The following PHLDB2 variants were observed in gnomAD, a reference collection of about 807,000 sequenced individuals.
PHLDB2 encodes pleckstrin homology like domain family B member 2.
In PHLDB2, 71 loss-of-function variants were observed where a neutral mutation model predicts 123.6. The observed-to-expected ratio is 0.57, with a 90% CI of 0.47 to 0.70. The LOEUF is 0.70. Ranked by LOEUF, PHLDB2 falls within the 30% of genes least tolerant of loss-of-function variation. The pLI is 0.00. For synonymous variants in PHLDB2, 547 were observed against 541.6 expected (o/e 1.01, Z -0.14); for missense variants, 1,446 against 1,519.5 (o/e 0.95, Z 0.80).
At chr3:111,774,085 CT>C (rs910029305) in intron 1 of PHLDB2, among the ~76,000 whole-genome samples, 1 of 152,214 alleles carries the variant, frequency 6.6e-6, no homozygotes, top group Non-Finnish European at 1.5e-5. Flanking sequence ...GAGATACAGC[CT>C]TTAGAATATT....
intron 8 of PHLDB2, among the ~76,000 whole-genome samples, chr3:111,944,229 A>AT (rs1577151594): frequency 6.6e-6 from 1 of 152,200 alleles, no homozygotes; most frequent in African/African-American, 2.4e-5. Flanking sequence ...ATGCTTGCTC[A>AT]TAAGGGTGGA....
intron 1 of PHLDB2, among the ~76,000 whole-genome samples, chr3:111,763,273 A>C (rs2060025694): frequency 1.3e-5 from 2 of 152,190 alleles, no homozygotes; most frequent in Admixed American, 1.3e-4. Flanking sequence ...TGAGTGAGTT[A>C]TTTCTATGAC....
chr3:111,741,906 T>A (rs1413506182), intron 1 of PHLDB2, among the ~76,000 whole-genome samples: 4 of 152,216 alleles, frequency 2.6e-5, no homozygotes, highest in African/African-American at 9.6e-5. Flanking sequence ...AGGTAATTCT[T>A]AGCATGCTGA....
In PHLDB2 at chr3:111,859,422, G is replaced by T. The variant is rs1029388245; in HGVS notation, c.-169G>T. The T allele has an allele frequency of 4.2e-4, 417 of 985,528 alleles. No individual in the cohort carries two copies. Among genetic ancestry groups the T allele is most frequent in the Non-Finnish European group, 4.8e-4 (398 of 830,096 alleles). 61.0% of individuals were successfully genotyped at this position (985,528 alleles called of 1,614,324 possible). Reference sequence around the variant, plus strand: ...TCGAACTCCCTGGGTGCCCGCCGCGGTGGTTACAAAGGGGGTCAAGAGTGC... The same window carrying T: ...TCGAACTCCCTGGGTGCCCGCCGCGTTGGTTACAAAGGGGGTCAAGAGTGC... On this transcript the variant is annotated 5_prime_UTR_variant, in exon 1 of 18. Coordinates refer to ENST00000431670, the MANE Select transcript of PHLDB2 (RefSeq NM_001134438.2).
intron 1 of PHLDB2, among the ~76,000 whole-genome samples, chr3:111,880,680 AT>A (rs59470691): frequency 0.85 from 125,802 of 148,306 alleles, 53,602 homozygotes; most frequent in African/African-American, 0.94. Context: ...CCTTTGTGGC[AT>A]TTTTTTTTTT....
chr3:111,856,637 T>A (rs1366291107), upstream of PHLDB2, among the ~76,000 whole-genome samples: 2 of 152,238 alleles, frequency 1.3e-5, no homozygotes, highest in East Asian at 3.8e-4. Context: ...GGAGAAAGGT[T>A]GTCTCTAAGA....
intron 1 of PHLDB2, among the ~76,000 whole-genome samples, chr3:111,811,913 C>T (rs975390113): frequency 1.3e-5 from 2 of 152,138 alleles, no homozygotes; most frequent in African/African-American, 4.8e-5. Context: ...TGACCTTCAT[C>T]CTATATAAGC....
At chr3:111,924,890 T>C (rs1369386611) in intron 5 of PHLDB2, among the ~76,000 whole-genome samples, 2 of 152,152 alleles carry the variant, frequency 1.3e-5, no homozygotes, top group Non-Finnish European at 1.5e-5. Flanking sequence ...GTGCAGTGGC[T>C]TAACATTGGC....
intron 2 of PHLDB2, 37 bp from the exon 3 acceptor site, chr3:111,913,282 C>G (rs752732633): frequency 6.6e-7 from 1 of 1,513,694 alleles, no homozygotes; most frequent in Middle Eastern, 1.8e-4. Flanking sequence ...TTCATTCTCA[C>G]AAACCCACTG....
chr3:111,748,863 G>A (rs1017011011), intron 1 of PHLDB2, among the ~76,000 whole-genome samples: 3 of 151,792 alleles, frequency 2.0e-5, no homozygotes, highest in Non-Finnish European at 2.9e-5. Flanking sequence ...TTTGCAAGTC[G>A]GGATACTTAT....
At chr3:111,878,647 C>A (rs1487192252) in intron 1 of PHLDB2, among the ~76,000 whole-genome samples, 3 of 152,118 alleles carry the variant, frequency 2.0e-5, no homozygotes, top group Non-Finnish European at 4.4e-5. Context: ...AAAGGGAATG[C>A]TTCCGGTTTT....
At chr3:111,949,383 C>G (rs1399152811) in intron 10 of PHLDB2, among the ~76,000 whole-genome samples, 1 of 152,142 alleles carries the variant, frequency 6.6e-6, no homozygotes, top group Non-Finnish European at 1.5e-5. Flanking sequence ...AAAAGCCTTT[C>G]TAAAATTGTT....
intron 1 of PHLDB2, among the ~76,000 whole-genome samples, chr3:111,866,712 A>G (rs967827312): frequency 2.0e-5 from 3 of 152,146 alleles, no homozygotes; most frequent in African/African-American, 7.2e-5. Context: ...TTGAGATCAA[A>G]AGATCAGAGG....
chr3:111,949,597 C>G, intron 10 of PHLDB2: 1 of 633,766 alleles, frequency 1.6e-6, no homozygotes, highest in Non-Finnish European at 2.0e-6. Flanking sequence ...ATTGTAACTT[C>G]TTAATTAAAA....
At chr3:111,838,194 T>C (rs1253951923) in intron 1 of PHLDB2, among the ~76,000 whole-genome samples, 2 of 152,182 alleles carry the variant, frequency 1.3e-5, no homozygotes, top group East Asian at 3.8e-4. Context: ...AGAGACAGGT[T>C]CTCGCTATGT....
intron 1 of PHLDB2, among the ~76,000 whole-genome samples, chr3:111,786,994 A>G (rs942703506): frequency 1.3e-5 from 2 of 152,174 alleles, no homozygotes; most frequent in African/African-American, 4.8e-5. Context: ...AAAAAGTTTA[A>G]GAACTTATTT....
intron 1 of PHLDB2, among the ~76,000 whole-genome samples, chr3:111,811,415 CCA>C (rs2061831896): frequency 6.6e-6 from 1 of 151,912 alleles, no homozygotes; most frequent in Non-Finnish European, 1.5e-5. Flanking sequence ...AAGAAATGGC[CCA>C]GTTTTCTCAC....
chr3:111,788,806 C>T (rs190566719), intron 1 of PHLDB2, among the ~76,000 whole-genome samples: 1 of 152,240 alleles, frequency 6.6e-6, no homozygotes, highest in East Asian at 1.9e-4. Context: ...ATGTGTGGCC[C>T]AAGACAATTC....
intron 2 of PHLDB2, among the ~76,000 whole-genome samples, chr3:111,849,340 GA>G (rs66684217): frequency 0.3 from 44,886 of 151,744 alleles, 7,124 homozygotes; most frequent in South Asian, 0.42. Flanking sequence ...CTGGATAATT[GA>G]AAAAAATTTT....
Sources: allele counts gnomAD v4.1 joint callset (sites outside exome capture counted in the v4.1 genomes callset), GRCh38; gene constraint gnomAD v4.1.1; transcripts MANE v1.5; gene names NCBI Gene and HGNC (gene_info 2026-07-23, HGNC 2026-07-21).